Variants in TNS3 observed in about 807,000 individuals in gnomAD.
TNS3 encodes tensin-3.
TNS3 carries 45 observed loss-of-function variants against 140.9 expected under a neutral mutation model. The observed-to-expected ratio is 0.32, with a 90% CI of 0.25 to 0.41. The LOEUF is 0.41. Ranked by LOEUF, TNS3 falls within the 10% of genes least tolerant of loss-of-function variation. TNS3 has a pLI of 1.00. For synonymous variants in TNS3, 815 were observed against 788.4 expected (o/e 1.03, Z -0.56); for missense variants, 1,716 against 1,906.7 (o/e 0.90, Z 1.86).
At chr7:47,467,599 T>C (rs1796772693) in intron 4 of TNS3, among the ~76,000 whole-genome samples, 1 of 152,110 alleles carries the variant, frequency 6.6e-6, no homozygotes, top group South Asian at 2.1e-4. Flanking sequence ...ACACCCAGAC[T>C]TGGGTCCCCA....
At chr7:47,529,177 G>T in intron 1 of TNS3, 30 bp from the exon 2 acceptor site, 1 of 1,126,028 alleles carries the variant, frequency 8.9e-7, no homozygotes, top group Non-Finnish European at 1.2e-6. Context: ...AATTGTCAAC[G>T]TTTCATCTCA....
chr7:47,389,083 A>C (rs1417194634), intron 16 of TNS3, among the ~76,000 whole-genome samples: 1 of 71,630 alleles, frequency 1.4e-5, no homozygotes, highest in African/African-American at 7.7e-5. Flanking sequence ...AAGAAGAAGA[A>C]GAGGAAGAGG....
At chr7:47,393,088 G>A (rs1228229353) in intron 16 of TNS3, among the ~76,000 whole-genome samples, 2 of 152,206 alleles carry the variant, frequency 1.3e-5, no homozygotes, top group African/African-American at 4.8e-5. Context: ...GGTGGGTTAA[G>A]TGAAAAACTC....
chr7:47,305,302 T>C (rs899308979), intron 20 of TNS3, among the ~76,000 whole-genome samples: 2 of 152,220 alleles, frequency 1.3e-5, no homozygotes, highest in Non-Finnish European at 2.9e-5. Context: ...AGATGCACAT[T>C]GGGCCGCCTG....
chr7:47,382,115 G>C (rs1791801377), intron 16 of TNS3, among the ~76,000 whole-genome samples: 1 of 152,164 alleles, frequency 6.6e-6, no homozygotes, highest in African/African-American at 2.4e-5. Flanking sequence ...AACTGTGCAA[G>C]AAAAGCAACG....
intron 3 of TNS3, among the ~76,000 whole-genome samples, chr7:47,506,618 C>T (rs1798426485): frequency 6.6e-6 from 1 of 151,934 alleles, no homozygotes; most frequent in African/African-American, 2.4e-5. Flanking sequence ...AGTGAGAAAC[C>T]AGGGACCATG....
At chr7:47,569,535 T>G (rs1281123299) in intron 1 of TNS3, among the ~76,000 whole-genome samples, 1 of 138,146 alleles carries the variant, frequency 7.2e-6, no homozygotes, top group Non-Finnish European at 1.6e-5. Flanking sequence ...CAGAGTGAGA[T>G]TCTATCACAA....
rs755841491 is a variant in TNS3, at chr7:47,283,854, A to G, written c.3940T>C (p.Trp1314Arg). Residue 1314 changes from tryptophan to arginine, a missense_variant, in exon 28 of 31, where the codon TGG becomes CGG. Physicochemically the swap from Trp to Arg is moderately radical, Grantham distance 101. Transcript: ENST00000311160. The stretch of plus-strand genomic sequence containing the variant: ...TCCATCTCCACAGAGTTCAAGTACC[A>G]CACATTGCAGGCTGGAAGACACCAA... ...LLKQGAACNVWYLNSVEMESL... is the reference protein window; with the variant it reads ...LLKQGAACNVRYLNSVEMESL... 4.4e-6 allele frequency: 7 copies of G among 1,600,102 alleles called. No homozygotes were observed. The highest frequency in any genetic ancestry group is 1.3e-5 in the African/African-American group (1 of 74,400).
At chr7:47,410,807 GC>G (rs1233460336) in intron 13 of TNS3, among the ~76,000 whole-genome samples, 2 of 152,168 alleles carry the variant, frequency 1.3e-5, no homozygotes, top group African/African-American at 4.8e-5. Context: ...TTCTATGCAT[GC>G]TGAAAGTCAT....
intron 10 of TNS3, among the ~76,000 whole-genome samples, chr7:47,417,545 T>C: frequency 6.6e-6 from 1 of 152,196 alleles, no homozygotes; most frequent in Non-Finnish European, 1.5e-5. Context: ...TCAACAGTCA[T>C]CACCTCCCAG....
chr7:47,505,604 C>T (rs978262565), intron 3 of TNS3, among the ~76,000 whole-genome samples: 7 of 152,212 alleles, frequency 4.6e-5, no homozygotes, highest in Non-Finnish European at 1.0e-4. Flanking sequence ...GGCAGCAAGG[C>T]CCTGTGCCAT....
chr7:47,388,245 T>TACAC (rs141454544), intron 16 of TNS3, among the ~76,000 whole-genome samples: 1 of 151,582 alleles, frequency 6.6e-6, no homozygotes, highest in African/African-American at 2.4e-5. Context: ...CACACACACA[T>TACAC]ACACACACAC....
intron 20 of TNS3, among the ~76,000 whole-genome samples, chr7:47,313,642 C>T (rs1446942890): frequency 1.3e-5 from 2 of 152,176 alleles, no homozygotes; most frequent in African/African-American, 4.8e-5. Context: ...CGGGGGCAAT[C>T]CCTGGTGCTT....
chr7:47,539,620 G>A (rs866977216), intron 1 of TNS3: 26 of 166,928 alleles, frequency 1.6e-4, no homozygotes, highest in Non-Finnish European at 2.9e-4. Context: ...GCTGAAAACC[G>A]CTGTCCTGGG....
At chr7:47,347,648 A>T (rs1370993829) in intron 17 of TNS3, among the ~76,000 whole-genome samples, 3 of 151,976 alleles carry the variant, frequency 2.0e-5, no homozygotes, top group African/African-American at 7.3e-5. Flanking sequence ...TCAGCACCAC[A>T]CAACAGCGAC....
At chr7:47,280,257 C>T (rs531273078) in intron 29 of TNS3, 29 bp downstream of exon 29, 1 of 1,614,006 alleles carries the variant, frequency 6.2e-7, no homozygotes. Flanking sequence ...AAGTACACTC[C>T]TTGCTCAATA....
chr7:47,435,884 CTAAT>C (rs887838158), intron 7 of TNS3, among the ~76,000 whole-genome samples: 8 of 152,206 alleles, frequency 5.3e-5, no homozygotes, highest in African/African-American at 1.9e-4. Flanking sequence ...CTTCAAAACT[CTAAT>C]TAAGTTTGGT....
chr7:47,345,202 G>A (rs150467418), intron 18 of TNS3, among the ~76,000 whole-genome samples, 164 bp from the exon 19 acceptor site: 36 of 152,238 alleles, frequency 2.4e-4, no homozygotes, highest in Middle Eastern at 6.8e-3. Flanking sequence ...AAACCAGCCC[G>A]CCTCTCCTAG....
At chr7:47,575,078 T>G (rs1223164979) in intron 1 of TNS3, among the ~76,000 whole-genome samples, 2 of 152,062 alleles carry the variant, frequency 1.3e-5, no homozygotes, top group African/African-American at 2.4e-5. Flanking sequence ...TGCCAAAGAG[T>G]CTGCTAGAAA....
Sources: allele counts gnomAD v4.1 joint callset (sites outside exome capture counted in the v4.1 genomes callset), GRCh38; gene constraint gnomAD v4.1.1; transcripts MANE v1.5; gene names NCBI Gene and HGNC (gene_info 2026-07-23, HGNC 2026-07-21).